The following ZFHX3 variants were observed in gnomAD, a reference collection of about 807,000 sequenced individuals.
ZFHX3 encodes the protein zinc finger homeobox protein 3.
Under a neutral mutation model 279.1 loss-of-function variants are expected in ZFHX3, and 42 were observed. The ratio of observed to expected loss-of-function variants is 0.15; its 90% CI spans 0.12 to 0.19. The LOEUF (loss-of-function observed/expected upper bound fraction) is 0.19, where lower values mean the gene tolerates loss of function less well. Ranked by LOEUF, ZFHX3 falls within the 10% of genes least tolerant of loss-of-function variation. The probability of loss-of-function intolerance (pLI) is 1.00; values close to 1 mark genes in which losing one functional copy is unlikely to be tolerated. For synonymous variants in ZFHX3, 2,293 were observed against 1,957.8 expected, an observed-to-expected ratio of 1.17 and a Z score of -4.52; for missense variants, 4,981 against 4,754.0, an observed-to-expected ratio of 1.05 and a Z score of -1.40.
At chr16:73,315,739 T>C (rs1298759964) in intron 4 of ZFHX3, among the ~76,000 whole-genome samples, 3 of 152,162 alleles carry the variant, frequency 2.0e-5, no homozygotes, top group African/African-American at 7.2e-5. Context: ...AAACGCAAAG[T>C]GCCTAAGGAG....
rs892888544 is a variant in ZFHX3 at position 73,650,734 on chromosome 16, G to C, written c.-1547+29446C>G. 3.0e-4 allele frequency among the ~76,000 whole-genome samples: 45 copies of C among 152,158 alleles called. 1 individual carries two copies. The highest frequency in any genetic ancestry group is 1.1e-3 in the African/African-American group (44 of 41,520). ...AATTAAGGTGACAAATTCAATTTAG[G>C]GTGGTCTTGAAGGTACTTCTCTTAG... On this transcript the variant is annotated intron_variant, in intron 2 of 17. Transcript: ENST00000641206.
chr16:73,026,693 A>AAAAAAAAC (rs201116956), intron 1 of ZFHX3, among the ~76,000 whole-genome samples: 190 of 144,662 alleles, frequency 1.3e-3, no homozygotes, highest in Non-Finnish European at 1.8e-3. Flanking sequence ...AAAAAAAAAA[A>AAAAAAAAC]AACACATAGT....
At chr16:73,550,469 C>T (rs535567896) in intron 2 of ZFHX3, among the ~76,000 whole-genome samples, 4 of 152,258 alleles carry the variant, frequency 2.6e-5, no homozygotes, top group Admixed American at 6.5e-5. Flanking sequence ...TGGCCAGGTC[C>T]TCTAGGGACT....
chr16:73,341,771 G>A (rs4447458), intron 3 of ZFHX3, among the ~76,000 whole-genome samples: 56,307 of 152,044 alleles, frequency 0.37, 11,808 homozygotes, highest in Non-Finnish European at 0.47. Context: ...AAGGAATGGA[G>A]TACTGATATA....
intron 3 of ZFHX3, among the ~76,000 whole-genome samples, chr16:72,900,469 A>G (rs2039008153): frequency 6.6e-6 from 1 of 152,262 alleles, no homozygotes; most frequent in Non-Finnish European, 1.5e-5. Flanking sequence ...AATTTTAAAA[A>G]CCGCATGAGA....
intron 1 of ZFHX3, among the ~76,000 whole-genome samples, chr16:73,712,614 G>A (rs2053374638): frequency 6.6e-6 from 1 of 152,152 alleles, no homozygotes; most frequent in Non-Finnish European, 1.5e-5. Context: ...AAGGGCAGGT[G>A]GCCATGTCTG....
rs908062010 is a variant in ZFHX3, at chr16:73,784,282, C to T, written c.-1607-104042G>A. Among the ~76,000 whole-genome samples, 12 of 151,996 alleles carry T rather than the reference C, an allele frequency of 7.9e-5. No individual in the cohort carries two copies. In the South Asian group the frequency reaches 8.3e-4, roughly 11 times the overall value. The stretch of plus-strand genomic sequence containing the variant: ...TCTCAGGATGGTAGAAAGGATTAAA[C>T]GATAAAATACATATCAAGTGCTTCA... On this transcript the variant is annotated intron_variant, in intron 1 of 17. Transcript: ENST00000641206.
rs530446929 is a variant in ZFHX3 at position 73,212,120 on chromosome 16, A to G, written c.-1104+44927T>C. Among the ~76,000 whole-genome samples the G allele has an allele frequency of 2.0e-5, 3 of 151,878 alleles. No homozygotes were observed. In the South Asian group the frequency reaches 6.2e-4, roughly 32 times the overall value. ...TTTAAAGAAGTTTCAAGTTATCCAT[A>G]TTCATTATTTTAAAAAGTACAGAGA... On this transcript the variant is annotated intron_variant, in intron 5 of 17. Transcript: ENST00000641206.
At chr16:73,044,449 G>A (rs1037331186) in intron 1 of ZFHX3, among the ~76,000 whole-genome samples, 2 of 152,164 alleles carry the variant, frequency 1.3e-5, no homozygotes, top group African/African-American at 4.8e-5. Context: ...TACTTCTTCA[G>A]GTTACTGACA....
chr16:73,419,532 G>A (rs540892541), intron 3 of ZFHX3, among the ~76,000 whole-genome samples: 4 of 151,998 alleles, frequency 2.6e-5, no homozygotes, highest in African/African-American at 9.7e-5. Context: ...AGAACTAAAA[G>A]CTATTTACGT....
At chr16:73,634,456 ATAT>A (rs869227091) in intron 2 of ZFHX3, among the ~76,000 whole-genome samples, 1 of 145,624 alleles carries the variant, frequency 6.9e-6, no homozygotes. Context: ...ATATATATAT[ATAT>A]ATAAAATATA....
intron 5 of ZFHX3, among the ~76,000 whole-genome samples, chr16:73,158,091 A>C (rs1184783843): frequency 6.6e-6 from 1 of 152,182 alleles, no homozygotes; most frequent in East Asian, 1.9e-4. Flanking sequence ...TTGTTGATGA[A>C]AAAAATTACC....
chr16:73,581,527 G>C (rs1442933666), intron 2 of ZFHX3, among the ~76,000 whole-genome samples: 3 of 151,678 alleles, frequency 2.0e-5, no homozygotes, highest in Non-Finnish European at 4.4e-5. Context: ...TCAAGCTGAA[G>C]GGTTTAAGTA....
At chr16:73,108,803 A>G (rs576815376) in intron 7 of ZFHX3, among the ~76,000 whole-genome samples, 5 of 152,324 alleles carry the variant, frequency 3.3e-5, no homozygotes, top group Non-Finnish European at 5.9e-5. Context: ...TGGGATCAGC[A>G]TCAAACCGAA....
rs369213022 is a variant in ZFHX3 at position 72,957,810 on chromosome 16, G to A, written c.2336C>T (p.Ala779Val). 6.8e-5 allele frequency: 108 copies of A among 1,590,484 alleles called. No homozygotes were observed. The highest frequency in any genetic ancestry group is 2.9e-4 in the Admixed American group (17 of 59,330). ...ACTGATATTGGCTGCCGCCGCCGCC[G>A]CAGCCACCGCCGCCGCCGCCGCCCC... The part of the protein sequence containing the change: ...TAGAAAAAVA[A>V]AAAAANISSS... The change falls in exon 2 of 10, where the codon GCG becomes GTG. Residue 779 changes from alanine (A) to valine (V), a missense_variant. Physicochemically the swap from Ala to Val is moderately conservative, Grantham distance 64. Coordinates refer to ENST00000268489, the MANE Select transcript of ZFHX3 (RefSeq NM_006885.4).
chr16:72,909,896 A>G (rs1225199275), intron 3 of ZFHX3, among the ~76,000 whole-genome samples: 2 of 151,814 alleles, frequency 1.3e-5, no homozygotes, highest in Non-Finnish European at 2.9e-5. Context: ...AAAAAAAAAA[A>G]AAAATTAAAA....
chr16:73,627,887 C>G (rs2052433452), intron 2 of ZFHX3, among the ~76,000 whole-genome samples: 1 of 152,166 alleles, frequency 6.6e-6, no homozygotes, highest in Non-Finnish European at 1.5e-5. Context: ...CACTGCACTC[C>G]AGCCTGGGCG....
chr16:73,557,094 CAAAAAAAAAAAA>C (rs397766441), intron 2 of ZFHX3, among the ~76,000 whole-genome samples: 3 of 68,552 alleles, frequency 4.4e-5, no homozygotes, highest in South Asian at 5.9e-4. Flanking sequence ...GACTCCGTCT[CAAAAAAAAAAAA>C]AAAAAAAAAA....
At chr16:72,860,184 G>C (rs2037849929) in intron 4 of ZFHX3, among the ~76,000 whole-genome samples, 2 of 152,166 alleles carry the variant, frequency 1.3e-5, no homozygotes, top group Admixed American at 1.3e-4. Flanking sequence ...TTTCTGTTTA[G>C]AGCAGGGAGG....
Sources: gnomAD v4.1 joint callset for allele counts (sites outside exome capture counted in the v4.1 genomes callset) on GRCh38, gnomAD v4.1.1 for gene constraint, MANE v1.5 for transcripts, NCBI Gene and HGNC (gene_info 2026-07-23, HGNC 2026-07-21) for gene names.